The following C8orf34 variants were observed in gnomAD, a reference collection of about 807,000 sequenced individuals.
The protein encoded by C8orf34 is chromosome 8 open reading frame 34.
A neutral mutation model predicts 68.3 loss-of-function variants in C8orf34; 65 were observed. That is an observed-to-expected ratio of 0.95 (90% CI 0.78 to 1.17). The LOEUF (loss-of-function observed/expected upper bound fraction) is 1.17, where lower values mean the gene tolerates loss of function less well. Among genes scored for constraint, C8orf34 ranks in the 50% most tolerant of loss-of-function variants. The pLI is 0.00. For synonymous variants in C8orf34, 244 were observed against 241.2 expected, an observed-to-expected ratio of 1.01 and a Z score of -0.11; for missense variants, 664 against 655.4, an observed-to-expected ratio of 1.01 and a Z score of -0.14.
At chr8:68,558,712 T>C (rs1207961987) in intron 7 of C8orf34, among the ~76,000 whole-genome samples, 1 of 152,154 alleles carries the variant, frequency 6.6e-6, no homozygotes, top group Non-Finnish European at 1.5e-5. Context: ...ATTTTTGTGA[T>C]TGTAGAAGGA....
chr8:68,493,344 A>T (rs1210034720), intron 5 of C8orf34, among the ~76,000 whole-genome samples: 2 of 152,190 alleles, frequency 1.3e-5, no homozygotes, highest in East Asian at 3.9e-4. Flanking sequence ...TCCAAAGATG[A>T]TGTACAGATG....
intron 7 of C8orf34, among the ~76,000 whole-genome samples, chr8:68,574,681 T>C (rs536651491): frequency 1.3e-5 from 2 of 152,112 alleles, no homozygotes; most frequent in Non-Finnish European, 2.9e-5. Flanking sequence ...TTGTCTTCCA[T>C]TTCATAGAAA....
chr8:68,681,803 C>T (rs537971383), intron 8 of C8orf34, among the ~76,000 whole-genome samples: 2 of 152,176 alleles, frequency 1.3e-5, no homozygotes, highest in African/African-American at 4.8e-5. Flanking sequence ...AAAGAAAGTG[C>T]ACATGTACAC....
chr8:68,522,603 G>A (rs2129689687), intron 6 of C8orf34, among the ~76,000 whole-genome samples: 1 of 152,280 alleles, frequency 6.6e-6, no homozygotes, highest in South Asian at 2.1e-4. Context: ...ACGTGCCCAT[G>A]TGCTGGTAAT....
intron 8 of C8orf34, among the ~76,000 whole-genome samples, chr8:68,677,472 C>A (rs768272981): frequency 3.9e-5 from 6 of 152,100 alleles, no homozygotes; most frequent in Non-Finnish European, 8.8e-5. Context: ...AATCCTCCCA[C>A]CTCAGCTTTC....
rs10593212 is a variant in C8orf34 at position 68,353,637 on chromosome 8, T to TTA, written c.327+22317_327+22318dup. ...ATATATACAGTTGATTATATATATA[T>TTA]TATATATATATATATATATAGTTGA... On this transcript the variant is annotated intron_variant, in intron 1 of 13. Coordinates refer to ENST00000518698, the MANE Select transcript of C8orf34 (RefSeq NM_052958.4). Among the ~76,000 whole-genome samples, 409 of 143,066 alleles carry TTA rather than the reference T, an allele frequency of 2.9e-3. 6 individuals are homozygous for TTA. The highest frequency in any genetic ancestry group is 6.2e-3 in the South Asian group (28 of 4,546). 93.9% of individuals were successfully genotyped at this position (143,066 alleles called of 152,430 possible).
At chr8:68,463,419 G>T in intron 3 of C8orf34, among the ~76,000 whole-genome samples, 1 of 152,174 alleles carries the variant, frequency 6.6e-6, no homozygotes, top group Non-Finnish European at 1.5e-5. Context: ...GAAAAAGAGG[G>T]AATCCTCCCT....
chr8:68,484,225 C>T (rs561714699), intron 4 of C8orf34, among the ~76,000 whole-genome samples: 18 of 152,330 alleles, frequency 1.2e-4, no homozygotes, highest in Admixed American at 6.5e-4. Context: ...CATTTGAGAA[C>T]TCACTCACTA....
chr8:68,390,018 C>G (rs1049001469), intron 1 of C8orf34, among the ~76,000 whole-genome samples: 1 of 152,124 alleles, frequency 6.6e-6, no homozygotes, highest in East Asian at 1.9e-4. Flanking sequence ...CCACCACCAT[C>G]ACTATTGGAA....
chr8:68,640,632 G>A, intron 8 of C8orf34, 121 bp downstream of exon 8: 1 of 1,018,314 alleles, frequency 9.8e-7, no homozygotes, highest in Non-Finnish European at 1.4e-6. Context: ...GCGATCTTTT[G>A]TGCTAATATT....
intron 5 of C8orf34, among the ~76,000 whole-genome samples, chr8:68,505,051 G>A (rs1266006401): frequency 6.6e-6 from 1 of 151,956 alleles, no homozygotes; most frequent in Non-Finnish European, 1.5e-5. Flanking sequence ...TTGACCTTAG[G>A]TGATCTGCCT....
At chr8:68,726,001 T>G (rs2129526647) in intron 10 of C8orf34, among the ~76,000 whole-genome samples, 1 of 152,208 alleles carries the variant, frequency 6.6e-6, no homozygotes, top group South Asian at 2.1e-4. Flanking sequence ...CTCCGCCTCC[T>G]GGGTTCAAGC....
intron 5 of C8orf34, among the ~76,000 whole-genome samples, chr8:68,510,952 G>C (rs947137496): frequency 5.3e-5 from 8 of 152,268 alleles, no homozygotes; most frequent in South Asian, 2.1e-4. Flanking sequence ...ACCCTGTACA[G>C]GGACTGCATA....
At chr8:68,580,118 A>T (rs947960798) in intron 7 of C8orf34, among the ~76,000 whole-genome samples, 2 of 152,180 alleles carry the variant, frequency 1.3e-5, no homozygotes, top group African/African-American at 2.4e-5. Context: ...ATACATATAT[A>T]TAGTAAATGA....
chr8:68,544,766 A>G (rs978939504), intron 7 of C8orf34, among the ~76,000 whole-genome samples: 4 of 152,166 alleles, frequency 2.6e-5, no homozygotes, highest in East Asian at 1.9e-4. Context: ...TTTAAAAACC[A>G]TTTTGTAAGA....
intron 1 of C8orf34, among the ~76,000 whole-genome samples, chr8:68,412,053 C>T (rs112321177): frequency 1.5e-4 from 23 of 152,294 alleles, no homozygotes; most frequent in African/African-American, 5.3e-4. Flanking sequence ...TAGAAGGTGC[C>T]ATCTATGAGG....
chr8:68,677,643 A>ACCATGCCT lies in C8orf34; in HGVS notation c.1242-31350_1242-31343dup, dbSNP rs568908326. 2.0e-5 allele frequency among the ~76,000 whole-genome samples: 3 copies of ACCATGCCT among 152,242 alleles called. No individual in the cohort carries two copies. In the South Asian group the frequency reaches 6.2e-4, roughly 32 times the overall value. On this transcript the variant is annotated intron_variant, in intron 8 of 13. Coordinates refer to ENST00000518698, the MANE Select transcript of C8orf34 (RefSeq NM_052958.4). ...AGTGCTGGGATTGCAGGCATGAGCC[A>ACCATGCCT]CCATGCCTGGCCCTAACAATGCATC...
intron 8 of C8orf34, among the ~76,000 whole-genome samples, chr8:68,695,983 T>C (rs944834742): frequency 7.9e-5 from 12 of 152,050 alleles, no homozygotes; most frequent in African/African-American, 2.9e-4. Flanking sequence ...GATATTTACC[T>C]GCATTGTCTT....
At chr8:68,654,519 G>T (rs1819456854) in intron 8 of C8orf34, among the ~76,000 whole-genome samples, 1 of 151,660 alleles carries the variant, frequency 6.6e-6, no homozygotes. Context: ...TCTAATTCAG[G>T]GCCTCAACAT....
Sources: gnomAD v4.1 joint callset for allele counts (sites outside exome capture counted in the v4.1 genomes callset) on GRCh38, gnomAD v4.1.1 for gene constraint, MANE v1.5 for transcripts, NCBI Gene and HGNC (gene_info 2026-07-23, HGNC 2026-07-21) for gene names.